MACROH2A2: variants seen among roughly 807,000 people sequenced by gnomAD.
MACROH2A2 encodes the protein macroH2A.2 histone, also known as core histone macro-H2A.2.
In MACROH2A2, 6 loss-of-function variants were observed where a neutral mutation model predicts 37.6. The observed-to-expected ratio is 0.16, with a 90% CI of 0.09 to 0.32. MACROH2A2 has a LOEUF of 0.32. Among genes scored for constraint, MACROH2A2 ranks in the 10% least tolerant of loss-of-function variants. The pLI is 1.00. For synonymous variants in MACROH2A2, 192 were observed against 202.7 expected (o/e 0.95, Z 0.45); for missense variants, 290 against 485.9 (o/e 0.60, Z 3.79).
intron 2 of MACROH2A2, among the ~76,000 whole-genome samples, chr10:70,082,078 A>T (rs1052988857): frequency 6.6e-6 from 1 of 152,222 alleles, no homozygotes; most frequent in Non-Finnish European, 1.5e-5. Flanking sequence ...TAGAATTACC[A>T]ATACAACCAA....
At position 70,095,649 on chromosome 10, in the gene MACROH2A2, T is replaced by C; in HGVS notation, c.589-5T>C. On this transcript the variant is annotated splice_polypyrimidine_tract_variant and splice_region_variant and intron_variant, in intron 5 of 8. Transcript: ENST00000373255. Reference sequence around the variant, plus strand: ...CACATTCACCACCTTTTCTTCCTAATGCAGCTGTCCTTAACCCAGAGTGAC... The same window carrying C: ...CACATTCACCACCTTTTCTTCCTAACGCAGCTGTCCTTAACCCAGAGTGAC... 1 of 1,403,206 alleles carries C rather than the reference T, an allele frequency of 7.1e-7. No individual in the cohort carries two copies. The highest frequency in any genetic ancestry group is 1.4e-5 in the African/African-American group (1 of 70,904). The allele number at this position is 1,403,206 out of a possible 1,614,324, so 86.9% of individuals were successfully genotyped here.
At chr10:70,064,240 G>C (rs376357280) in intron 1 of MACROH2A2, among the ~76,000 whole-genome samples, 3 of 152,034 alleles carry the variant, frequency 2.0e-5, no homozygotes, top group Admixed American at 6.6e-5. Context: ...GTGGTGGAAG[G>C]CTCCTGTAAT....
At chr10:70,057,636 C>T (rs75951766) in intron 1 of MACROH2A2, among the ~76,000 whole-genome samples, 363 of 152,280 alleles carry the variant, frequency 2.4e-3, no homozygotes, top group African/African-American at 8.3e-3. Flanking sequence ...CATACAACCT[C>T]AAGTACCGTA....
chr10:70,083,512 C>G (rs1564544180), intron 2 of MACROH2A2, among the ~76,000 whole-genome samples: 1 of 152,096 alleles, frequency 6.6e-6, no homozygotes. Context: ...TGAAGGCCCT[C>G]TCTTCCACAC....
In MACROH2A2 at chr10:70,091,955, G is replaced by A. The variant is rs1416193840; in HGVS notation, c.477+1G>A. The A allele has an allele frequency of 6.2e-7, 1 of 1,612,526 alleles. No homozygotes were observed. The highest frequency in any genetic ancestry group is 8.5e-7 in the Non-Finnish European group (1 of 1,179,496). On this transcript the variant is annotated splice_donor_variant, in intron 4 of 8. Coordinates refer to ENST00000373255, the MANE Select transcript of MACROH2A2 (RefSeq NM_018649.3). LOFTEE classifies it high-confidence loss of function. ...TGCCAAACCACGGACGTCCAAAAAG[G>A]TAGGCCGAGGCTGCGTGTCCTGGGC...
In MACROH2A2 at chr10:70,053,490, G is replaced by C; in HGVS notation, c.-60+490G>C. ...CGCTCGGGGGCCTCTGAAGGTGCCC[G>C]GGCAGGGCGCCGGCGGCTCCAGGCT... On this transcript the variant is annotated intron_variant, in intron 1 of 8. Coordinates refer to ENST00000373255, the MANE Select transcript of MACROH2A2 (RefSeq NM_018649.3). This position sits in a 1 kb window ranked among gnomAD's most constrained non-coding sequence, Gnocchi z 4.8. Among the ~76,000 whole-genome samples the C allele has an allele frequency of 6.6e-6, 1 of 152,016 alleles. No individual in the cohort carries two copies.
intron 2 of MACROH2A2, among the ~76,000 whole-genome samples, chr10:70,084,180 A>C (rs1386763334): frequency 6.6e-6 from 1 of 152,068 alleles, no homozygotes. Flanking sequence ...TAACACCAAA[A>C]ATTTTCTTAT....
At chr10:70,065,849 A>G (rs966149536) in intron 1 of MACROH2A2, among the ~76,000 whole-genome samples, 1 of 152,204 alleles carries the variant, frequency 6.6e-6, no homozygotes, top group African/African-American at 2.4e-5. Context: ...CCATGTTATA[A>G]AAGTCTAAGT....
chr10:70,088,874 C>T (rs1442516602), intron 2 of MACROH2A2, among the ~76,000 whole-genome samples: 5 of 152,164 alleles, frequency 3.3e-5, no homozygotes, highest in African/African-American at 7.2e-5. Flanking sequence ...GAGGCCCAGG[C>T]GGGTGGATCA....
In MACROH2A2 at chr10:70,075,453, GT is replaced by G. The variant is rs2072134227; in HGVS notation, c.-59-146del. 1.8e-6 allele frequency: 1 copy of G among 560,122 alleles called. No homozygotes were observed. The highest frequency in any genetic ancestry group is 1.9e-5 in the African/African-American group (1 of 52,676). 34.7% of individuals were successfully genotyped at this position (560,122 alleles called of 1,614,324 possible). On this transcript the variant is annotated intron_variant, in intron 1 of 8. Coordinates refer to ENST00000373255, the MANE Select transcript of MACROH2A2 (RefSeq NM_018649.3). The surrounding 1 kb of genome is among the most constrained non-coding windows in gnomAD (Gnocchi z 5.0). ...CTTCAGAGACCCCATGCCTGACTCC[GT>G]GCCTCCTGCACCTGCAGTAGCAGCC... is the stretch of plus-strand genomic sequence containing the variant.
intron 2 of MACROH2A2, among the ~76,000 whole-genome samples, chr10:70,079,587 A>G (rs1250000290): frequency 6.6e-6 from 1 of 151,716 alleles, no homozygotes. Flanking sequence ...ACACACACAC[A>G]CACACACACA....
At position 70,106,802 on chromosome 10, in the gene MACROH2A2, C is replaced by CAA. The variant is rs56986649; in HGVS notation, c.779-2212_779-2211dup. Among the ~76,000 whole-genome samples, 592 of 65,250 alleles carry CAA rather than the reference C, an allele frequency of 9.1e-3. 9 individuals carry two copies. Among genetic ancestry groups the CAA allele is most frequent in the African/African-American group, 0.03 (523 of 17,570 alleles). The allele number at this position is 65,250 out of a possible 152,430, so 42.8% of individuals were successfully genotyped here. ...TGGGCAACAGAGGGGCATCCTGTCT[C>CAA]AAAAAAAAAAAAAAAAAAAAGACTT... On this transcript the variant is annotated intron_variant, in intron 7 of 8. Coordinates refer to ENST00000373255, the MANE Select transcript of MACROH2A2 (RefSeq NM_018649.3).
At chr10:70,058,753 A>G (rs550412874) in intron 1 of MACROH2A2, among the ~76,000 whole-genome samples, 1 of 152,294 alleles carries the variant, frequency 6.6e-6, no homozygotes, top group South Asian at 2.1e-4. Context: ...ACAAAAAGGC[A>G]AACCCCAATA....
chr10:70,073,234 C>A (rs932222843), intron 1 of MACROH2A2, among the ~76,000 whole-genome samples: 1 of 152,194 alleles, frequency 6.6e-6, no homozygotes, highest in Non-Finnish European at 1.5e-5. Context: ...TCCCCTCTTT[C>A]CTGCGACAGG....
chr10:70,091,158 C>A (rs796524500), intron 3 of MACROH2A2, among the ~76,000 whole-genome samples: 25 of 152,326 alleles, frequency 1.6e-4, no homozygotes, highest in African/African-American at 5.8e-4. Context: ...AGCTTTTTAT[C>A]CTGTGTTGTG....
At chr10:70,082,003 G>T (rs1225203230) in intron 2 of MACROH2A2, among the ~76,000 whole-genome samples, 1 of 152,078 alleles carries the variant, frequency 6.6e-6, no homozygotes, top group Non-Finnish European at 1.5e-5. Flanking sequence ...AAATAAAAAT[G>T]TATTTTTAAA....
intron 6 of MACROH2A2, among the ~76,000 whole-genome samples, chr10:70,097,556 A>T (rs1165121451): frequency 6.6e-6 from 1 of 152,216 alleles, no homozygotes; most frequent in African/African-American, 2.4e-5. Flanking sequence ...CACAAAAAAT[A>T]ACAGAAAAGT....
intron 1 of MACROH2A2, among the ~76,000 whole-genome samples, chr10:70,074,732 T>G (rs1401161446): frequency 6.6e-6 from 1 of 152,210 alleles, no homozygotes; most frequent in Non-Finnish European, 1.5e-5. Flanking sequence ...TTCTCTCTTG[T>G]CTACTGCCAT....
chr10:70,090,120 C>G lies in MACROH2A2; in HGVS notation c.233C>G (p.Pro78Arg). The change falls in exon 3 of 9, where the codon CCG becomes CGG. Residue 78 changes from proline (P) to arginine (R), a missense_variant. Physicochemically the swap from Pro to Arg is moderately radical, Grantham distance 103. Coordinates refer to ENST00000373255, the MANE Select transcript of MACROH2A2 (RefSeq NM_018649.3). Reference protein sequence around the residue: ...ARDNKKARIAPRHILLAVAND... With the variant: ...ARDNKKARIARRHILLAVAND... ...GACAACAAGAAGGCCCGGATAGCCC[C>G]GAGACACATCTTGCTGGCAGTTGCC... The G allele has an allele frequency of 6.2e-7, 1 of 1,613,916 alleles. No homozygotes were observed. Among genetic ancestry groups the G allele is most frequent in the Non-Finnish European group, 8.5e-7 (1 of 1,179,788 alleles).
Sources: allele counts gnomAD v4.1 joint callset (sites outside exome capture counted in the v4.1 genomes callset), GRCh38; gene constraint gnomAD v4.1.1; non-coding constraint Gnocchi (gnomAD v3.1); transcripts MANE v1.5; gene names NCBI Gene and HGNC (gene_info 2026-07-23, HGNC 2026-07-21).